CLPB: variants seen among roughly 807,000 people sequenced by gnomAD.
The protein encoded by CLPB is mitochondrial disaggregase.
Under a neutral mutation model 78.4 loss-of-function variants are expected in CLPB, and 40 were observed. That is an observed-to-expected ratio of 0.51 (90% CI 0.40 to 0.66). The LOEUF is 0.66. Among genes scored for constraint, CLPB ranks in the 30% least tolerant of loss-of-function variants. The pLI, the probability that CLPB is intolerant of heterozygous loss-of-function variation, is 0.00. For synonymous variants in CLPB, 333 were observed against 348.0 expected (o/e 0.96, Z 0.48); for missense variants, 780 against 886.9 (o/e 0.88, Z 1.53).
chr11:72,338,013 G>A (rs1346326216), intron 5 of CLPB, among the ~76,000 whole-genome samples: 1 of 152,196 alleles, frequency 6.6e-6, no homozygotes, highest in Non-Finnish European at 1.5e-5. Flanking sequence ...TGCCTTCAGG[G>A]AGGCAGATTT....
rs575329563 is a variant in CLPB at position 72,290,464 on chromosome 11, A to G, written c.*2903T>C. On this transcript the variant is annotated 3_prime_UTR_variant, in exon 16 of 16. Coordinates refer to ENST00000538039, the MANE Select transcript of CLPB (RefSeq NM_001258392.3). ...GAAACAAAGTCACCATTAGGCAAGC[A>G]TAACATTAATACCTGTTATAAGCAA... 2 of 152,394 alleles carry G rather than the reference A, an allele frequency of 1.3e-5. No individual in the cohort carries two copies. Among genetic ancestry groups the G allele is most frequent in the East Asian group, 3.9e-4 (2 of 5,192 alleles). The allele number at this position is 152,394 out of a possible 1,614,324, so 9.4% of individuals were successfully genotyped here.
At chr11:72,293,698 A>C in intron 15 of CLPB, 83 bp from the exon 16 acceptor site, 1 of 1,477,544 alleles carries the variant, frequency 6.8e-7, no homozygotes, top group Non-Finnish European at 9.1e-7. Context: ...TGCTAGGGCA[A>C]CTCAGAGACC....
intron 5 of CLPB, among the ~76,000 whole-genome samples, chr11:72,343,342 T>C (rs1950455330): frequency 6.6e-6 from 1 of 152,136 alleles, no homozygotes; most frequent in East Asian, 1.9e-4. Context: ...GAATCGGAAA[T>C]GTGGGGGTGG....
chr11:72,351,215 G>C (rs1373401517), intron 5 of CLPB: 9 of 152,242 alleles, frequency 5.9e-5, no homozygotes, highest in African/African-American at 2.2e-4. Flanking sequence ...AACTGGGGTG[G>C]ATCACAGTCC....
Position 72,308,604 on chromosome 11 carries a change from G to C in CLPB, c.989C>G (p.Ala330Gly), listed in dbSNP as rs144942416. The change falls in exon 8 of 16, where the codon GCG becomes GGG. Residue 330 changes from alanine (A) to glycine (G), a missense_variant and splice_region_variant. Transcript: ENST00000538039. ...CCAGCCATTCTCCTTCCTCCGGATCGCTACGGCCAAACACACAAGATCAGG... is the reference window on the plus strand; with the variant it reads ...CCAGCCATTCTCCTTCCTCCGGATCCCTACGGCCAAACACACAAGATCAGG... ...QESAIATVGA[A>G]IRRKENGWYD... The C allele has an allele frequency of 3.1e-6, 5 of 1,613,750 alleles. No individual in the cohort carries two copies. Among genetic ancestry groups the C allele is most frequent in the Middle Eastern group, 1.6e-4 (1 of 6,084 alleles).
chr11:72,380,513 C>A (rs1854878551), intron 3 of CLPB, 129 bp from the exon 4 acceptor site: 5 of 703,820 alleles, frequency 7.1e-6, no homozygotes, highest in East Asian at 2.7e-5. Context: ...GGGAAAAAAA[C>A]CATGAACTTT....
At position 72,402,972 on chromosome 11, in the gene CLPB, T is replaced by C; in HGVS notation, c.536A>G (p.Asn179Ser). The C allele has an allele frequency of 6.2e-7, 1 of 1,613,910 alleles. No individual in the cohort carries two copies. The highest frequency in any genetic ancestry group is 8.5e-7 in the Non-Finnish European group (1 of 1,179,968). The change falls in exon 3 of 16, where the codon AAC (asparagine) becomes AGC (serine). Residue 179 changes from asparagine to serine, a missense_variant. Physicochemically the swap from Asn to Ser is conservative, Grantham distance 46 (BLOSUM62 1). Coordinates refer to ENST00000538039, the MANE Select transcript of CLPB (RefSeq NM_001258392.3). ...GTGGAAGGTGGTCTCTCACCTGTTG[T>C]TTCGGTTGATGGCTGCCACCATGAG... Reference protein sequence around the residue: ...TALMVAAINRNNSVVQVLLAA... With the variant: ...TALMVAAINRSNSVVQVLLAA...
intron 3 of CLPB, among the ~76,000 whole-genome samples, chr11:72,387,477 T>A (rs1343146258): frequency 2.6e-5 from 4 of 152,174 alleles, no homozygotes. Flanking sequence ...GAAGACAGCA[T>A]GGCATTTTAT....
rs1236531406 is a variant in CLPB, at chr11:72,419,302, G to A, written c.455+11010C>T. 3.3e-5 allele frequency among the ~76,000 whole-genome samples: 5 copies of A among 152,206 alleles called. No individual in the cohort carries two copies. The East Asian group carries it at 9.6e-4, about 29-fold the overall frequency. On this transcript the variant is annotated intron_variant, in intron 2 of 15. Coordinates refer to ENST00000538039, the MANE Select transcript of CLPB (RefSeq NM_001258392.3). ...GGGCGACATAAATGATGGTAGGGAG[G>A]CAGAGCCTGACAACTGCCCCTGCTG...
chr11:72,384,097 T>G (rs1157677641), intron 3 of CLPB, among the ~76,000 whole-genome samples: 3 of 152,148 alleles, frequency 2.0e-5, no homozygotes, highest in African/African-American at 4.8e-5. Flanking sequence ...GAGATTGTAG[T>G]GAGCTGAGAT....
At chr11:72,382,535 A>G (rs921769803) in intron 3 of CLPB, among the ~76,000 whole-genome samples, 1 of 152,014 alleles carries the variant, frequency 6.6e-6, no homozygotes. Flanking sequence ...GGTCCCAATC[A>G]ATAGGTCCAC....
chr11:72,388,852 G>A (rs1855164380), intron 3 of CLPB, among the ~76,000 whole-genome samples: 1 of 152,184 alleles, frequency 6.6e-6, no homozygotes, highest in Admixed American at 6.5e-5. Context: ...ATAGCATATA[G>A]CAGGGCAGAA....
At chr11:72,407,340 T>C (rs1301910384) in intron 2 of CLPB, among the ~76,000 whole-genome samples, 2 of 152,244 alleles carry the variant, frequency 1.3e-5, no homozygotes, top group African/African-American at 4.8e-5. Flanking sequence ...ATAGCCAGCT[T>C]TCTAATCACT....
Position 72,371,596 on chromosome 11 carries a change from G to A in CLPB, c.646+8685C>T, listed in dbSNP as rs951083723. Among the ~76,000 whole-genome samples the A allele has an allele frequency of 4.7e-5, 7 of 147,544 alleles. No individual in the cohort carries two copies. In the South Asian group the frequency reaches 8.5e-4, roughly 18 times the overall value. ...AATAAAATAAAATAAAATAAAAGTT[G>A]TGTAGAGATGGGGTCTCACAATGTT... On this transcript the variant is annotated intron_variant, in intron 4 of 15. Coordinates refer to ENST00000538039, the MANE Select transcript of CLPB (RefSeq NM_001258392.3).
chr11:72,303,202 G>T (rs897549523), intron 9 of CLPB, among the ~76,000 whole-genome samples: 10 of 152,180 alleles, frequency 6.6e-5, no homozygotes, highest in African/African-American at 2.4e-4. Context: ...GTTCCCCACA[G>T]TCCCCCGGGC....
intron 2 of CLPB, among the ~76,000 whole-genome samples, chr11:72,406,868 T>G (rs1447174538): frequency 1.3e-5 from 2 of 152,174 alleles, no homozygotes; most frequent in African/African-American, 4.8e-5. Context: ...CCTCCTTCCT[T>G]CTTTTATAAA....
At chr11:72,333,710 A>G (rs1950269329) in intron 5 of CLPB, among the ~76,000 whole-genome samples, 1 of 152,172 alleles carries the variant, frequency 6.6e-6, no homozygotes, top group African/African-American at 2.4e-5. Context: ...GGGCTCAGGA[A>G]GGAACAAAGT....
At chr11:72,394,953 G>T (rs1219189146) in intron 3 of CLPB, among the ~76,000 whole-genome samples, 1 of 152,144 alleles carries the variant, frequency 6.6e-6, no homozygotes, top group African/African-American at 2.4e-5. Flanking sequence ...TGGGTTCCCT[G>T]CCGGTTGCTT....
In CLPB at chr11:72,307,364, G is replaced by A. The variant is rs537782083; in HGVS notation, c.1067-110C>T. 3.6e-5 allele frequency: 33 copies of A among 920,318 alleles called. 1 individual carries two copies. The South Asian group carries it at 4.5e-4, about 13-fold the overall frequency. 57.0% of individuals were successfully genotyped at this position (920,318 alleles called of 1,614,324 possible). A position where few individuals can be genotyped will look rare whatever the true frequency, so the allele number is the denominator to read the frequency against. On this transcript the variant is annotated intron_variant, in intron 8 of 15. Transcript: ENST00000538039. ...TAGAAAGAATATATTCTATGGATGA[G>A]AATGTTGAGGCGCAGAAAGGATCAG...
Sources: gnomAD v4.1 joint callset for allele counts (sites outside exome capture counted in the v4.1 genomes callset) on GRCh38, gnomAD v4.1.1 for gene constraint, MANE v1.5 for transcripts, NCBI Gene and HGNC (gene_info 2026-07-23, HGNC 2026-07-21) for gene names.